The following OPCML variants were observed in gnomAD, a reference collection of about 807,000 sequenced individuals.
OPCML encodes the protein opioid binding protein/cell adhesion molecule like.
OPCML carries 13 observed loss-of-function variants against 37.8 expected under a neutral mutation model. The ratio of observed to expected loss-of-function variants is 0.34; its 90% CI spans 0.22 to 0.55. OPCML has a LOEUF of 0.55. Among genes scored for constraint, OPCML ranks in the 20% least tolerant of loss-of-function variants. OPCML has a pLI of 0.91. For synonymous variants in OPCML, 176 were observed against 168.8 expected, an observed-to-expected ratio of 1.04 and a Z score of -0.33; for missense variants, 341 against 435.6, an observed-to-expected ratio of 0.78 and a Z score of 1.93.
intron 1 of OPCML, among the ~76,000 whole-genome samples, chr11:133,458,229 CGT>C (rs553791188): frequency 8.4e-6 from 1 of 119,670 alleles, no homozygotes; most frequent in Non-Finnish European, 1.6e-5. Context: ...CATATATACA[CGT>C]GTGTGTATAT....
At chr11:132,813,370 T>G (rs1216974086) in intron 2 of OPCML, among the ~76,000 whole-genome samples, 3 of 152,212 alleles carry the variant, frequency 2.0e-5, no homozygotes, top group Non-Finnish European at 4.4e-5. Context: ...AAGAGGGTTG[T>G]TTAATTTTCA....
At chr11:132,538,571 T>C (rs1301568232) in intron 3 of OPCML, among the ~76,000 whole-genome samples, 1 of 152,224 alleles carries the variant, frequency 6.6e-6, no homozygotes, top group African/African-American at 2.4e-5. Flanking sequence ...GAATTGTATC[T>C]GCATAAAACG....
intron 1 of OPCML, among the ~76,000 whole-genome samples, chr11:133,257,547 T>C (rs1276904928): frequency 1.3e-5 from 2 of 152,188 alleles, no homozygotes; most frequent in Non-Finnish European, 2.9e-5. Context: ...CCCTGGAGCT[T>C]ATGCTATTAA....
At chr11:133,071,495 G>A (rs1200459850) in intron 1 of OPCML, among the ~76,000 whole-genome samples, 2 of 152,160 alleles carry the variant, frequency 1.3e-5, no homozygotes, top group Admixed American at 6.5e-5. Flanking sequence ...ATTCCAAAGT[G>A]CAAATTTTGT....
chr11:133,118,069 AACATGCCGC>A, intron 1 of OPCML: 1 of 639,742 alleles, frequency 1.6e-6, no homozygotes. Context: ...TTCAGAAAGA[AACATGCCGC>A]AGTCTGAGTC....
intron 1 of OPCML, among the ~76,000 whole-genome samples, chr11:133,394,713 C>T (rs1198557031): frequency 6.6e-6 from 1 of 152,224 alleles, no homozygotes; most frequent in Non-Finnish European, 1.5e-5. Context: ...CCAGTTCCAT[C>T]CATGCTATTG....
At chr11:132,577,088 A>G (rs141319059) in intron 3 of OPCML, among the ~76,000 whole-genome samples, 1 of 152,270 alleles carries the variant, frequency 6.6e-6, no homozygotes, top group African/African-American at 2.4e-5. Flanking sequence ...GAGTGTCCTG[A>G]ATCCCCCTTA....
At chr11:132,453,024 G>C (rs1420265483) in intron 4 of OPCML, among the ~76,000 whole-genome samples, 1 of 152,096 alleles carries the variant, frequency 6.6e-6, no homozygotes, top group Non-Finnish European at 1.5e-5. Flanking sequence ...TCTTATTCAG[G>C]CTGCCTAGAG....
intron 6 of OPCML, 185 bp from the exon 7 acceptor site, chr11:132,436,422 C>A (rs77065243): frequency 1.0e-6 from 1 of 968,060 alleles, no homozygotes; most frequent in Non-Finnish European, 1.2e-6. Context: ...TAATTCCCAA[C>A]GACTGACATG....
rs539682533 is a variant in OPCML at position 133,230,268 on chromosome 11, A to G, written c.62-287258T>C. ...AACACTCATCTTGGCTCATGGTGTCATGAAGCGTGGTGATGCTGGTGGGGC... is the reference window on the plus strand; with the variant it reads ...AACACTCATCTTGGCTCATGGTGTCGTGAAGCGTGGTGATGCTGGTGGGGC... On this transcript the variant is annotated intron_variant, in intron 1 of 7. Transcript: ENST00000524381. Among the ~76,000 whole-genome samples, 12 of 152,316 alleles carry G rather than the reference A, an allele frequency of 7.9e-5. 1 individual carries two copies. In the South Asian group the frequency reaches 1.0e-3, roughly 13 times the overall value.
chr11:132,619,760 G>A (rs1191939534), intron 3 of OPCML, among the ~76,000 whole-genome samples: 2 of 150,192 alleles, frequency 1.3e-5, no homozygotes, highest in African/African-American at 4.9e-5. Context: ...GCTGAGGCAG[G>A]AGAATGGCAT....
rs1019055781 is a variant in OPCML, at chr11:132,416,678, G to T, written c.*3515C>A. 1 of 152,146 alleles carries T rather than the reference G, an allele frequency of 6.6e-6. No homozygotes were observed. Among genetic ancestry groups the T allele is most frequent in the South Asian group, 2.1e-4 (1 of 4,828 alleles). 9.4% of individuals were successfully genotyped at this position (152,146 alleles called of 1,614,324 possible). A position where few individuals can be genotyped will look rare whatever the true frequency, so the allele number is the denominator to read the frequency against. ...TGGATGTAAGAAGAAAGAGACTGGG[G>T]CCTCTTTGTGACACAACACCTTACC... On this transcript the variant is annotated 3_prime_UTR_variant, in exon 8 of 8. Transcript: ENST00000524381.
intron 1 of OPCML, among the ~76,000 whole-genome samples, chr11:133,140,946 C>CGAAGACGAAGACGAA (rs1491151678): frequency 6.4e-4 from 3 of 4,658 alleles, no homozygotes; most frequent in African/African-American, 1.2e-3. Context: ...AAGAAGAAGA[C>CGAAGACGAAGACGAA]GACGAAGAAG....
chr11:133,190,534 G>A (rs1018557559), intron 1 of OPCML, among the ~76,000 whole-genome samples: 3 of 151,868 alleles, frequency 2.0e-5, no homozygotes, highest in East Asian at 3.9e-4. Flanking sequence ...ACTGATTTTA[G>A]TTTGTTCACA....
intron 1 of OPCML, among the ~76,000 whole-genome samples, chr11:133,124,631 G>A (rs1949471717): frequency 6.6e-6 from 1 of 152,118 alleles, no homozygotes; most frequent in Admixed American, 6.5e-5. Flanking sequence ...CAGTATGGGG[G>A]CATTGAGACT....
At chr11:133,214,284 T>C (rs1487046536) in intron 1 of OPCML, among the ~76,000 whole-genome samples, 1 of 152,156 alleles carries the variant, frequency 6.6e-6, no homozygotes, top group African/African-American at 2.4e-5. Context: ...TCTAACGTCA[T>C]TTATGATAGA....
At chr11:133,210,012 T>C (rs1385607227) in intron 1 of OPCML, among the ~76,000 whole-genome samples, 1 of 152,176 alleles carries the variant, frequency 6.6e-6, no homozygotes, top group Non-Finnish European at 1.5e-5. Flanking sequence ...CCTTCCAATT[T>C]AATTTAAGTA....
At chr11:132,581,808 G>C (rs1248916176) in intron 3 of OPCML, among the ~76,000 whole-genome samples, 3 of 152,166 alleles carry the variant, frequency 2.0e-5, no homozygotes, top group Middle Eastern at 3.4e-3. Flanking sequence ...GTCTGGGGTT[G>C]CTCCTGGCAC....
At chr11:132,735,207 G>C (rs1945214591) in intron 2 of OPCML, among the ~76,000 whole-genome samples, 1 of 152,090 alleles carries the variant, frequency 6.6e-6, no homozygotes. Flanking sequence ...AAAAAATATA[G>C]CCTAGGAAAC....
Sources: allele counts gnomAD v4.1 joint callset (sites outside exome capture counted in the v4.1 genomes callset), GRCh38; gene constraint gnomAD v4.1.1; transcripts MANE v1.5; gene names NCBI Gene and HGNC (gene_info 2026-07-23, HGNC 2026-07-21).